The following STRN variants were observed in gnomAD, a reference collection of about 807,000 sequenced individuals.
STRN encodes the protein striatin.
A neutral mutation model predicts 96.3 loss-of-function variants in STRN; 53 were observed. That is an observed-to-expected ratio of 0.55 (90% CI 0.44 to 0.69). The LOEUF (loss-of-function observed/expected upper bound fraction) is 0.69, where lower values mean the gene tolerates loss of function less well. Ranked by LOEUF, STRN falls within the 30% of genes least tolerant of loss-of-function variation. The probability of loss-of-function intolerance (pLI) is 0.00; values close to 1 mark genes in which losing one functional copy is unlikely to be tolerated. For missense variants in STRN, 987 were observed against 963.9 expected (o/e 1.02, Z -0.32); for synonymous variants, 428 against 355.9 (o/e 1.20, Z -2.28).
chr2:36,847,152 C>T lies in STRN; in HGVS notation c.*2304G>A, dbSNP rs1022225175. ...GCCACAGCACTGGCTTTCTAAGGAA[C>T]TTTCAACAGTTCCATTTGCGCTACA... is the stretch of plus-strand genomic sequence containing the variant. On this transcript the variant is annotated 3_prime_UTR_variant, in exon 18 of 18. Coordinates refer to ENST00000263918, the MANE Select transcript of STRN (RefSeq NM_003162.4). The T allele has an allele frequency of 8.5e-5, 13 of 152,154 alleles. No homozygotes were observed. The highest frequency in any genetic ancestry group is 6.6e-4 in the Admixed American group (10 of 15,250). 9.4% of individuals were successfully genotyped at this position (152,154 alleles called of 1,614,324 possible). A position where few individuals can be genotyped will look rare whatever the true frequency, so the allele number is the denominator to read the frequency against.
At chr2:36,942,847 C>G (rs1670879920) in intron 1 of STRN, among the ~76,000 whole-genome samples, 1 of 151,920 alleles carries the variant, frequency 6.6e-6, no homozygotes, top group Non-Finnish European at 1.5e-5. Flanking sequence ...AGGCACGCAA[C>G]ACCACACCCA....
At chr2:36,961,524 T>C (rs1236574222) in intron 1 of STRN, among the ~76,000 whole-genome samples, 2 of 152,182 alleles carry the variant, frequency 1.3e-5, no homozygotes, top group African/African-American at 4.8e-5. Context: ...TAAAAATGTA[T>C]TCAGAATCCT....
intron 1 of STRN, among the ~76,000 whole-genome samples, chr2:36,944,017 G>A (rs551497879): frequency 6.6e-6 from 1 of 152,074 alleles, no homozygotes. Flanking sequence ...CTACTTGGGA[G>A]GCTGGGGCAG....
intron 7 of STRN, among the ~76,000 whole-genome samples, chr2:36,891,873 G>A (rs566974564): frequency 6.6e-6 from 1 of 152,204 alleles, no homozygotes; most frequent in East Asian, 1.9e-4. Flanking sequence ...AAGTTCAACA[G>A]AATTTTTAAA....
intron 8 of STRN, 120 bp from the exon 9 acceptor site, chr2:36,884,195 TCTA>T (rs1462528061): frequency 2.3e-6 from 2 of 857,014 alleles, no homozygotes; most frequent in Non-Finnish European, 3.1e-6. Context: ...TTAAAAATAT[TCTA>T]CTAGATTAAT....
intron 7 of STRN, among the ~76,000 whole-genome samples, chr2:36,891,044 C>A (rs1210382712): frequency 2.0e-5 from 3 of 152,160 alleles, no homozygotes; most frequent in Admixed American, 6.5e-5. Flanking sequence ...TATACTGGTT[C>A]AGCACCCCCC....
chr2:36,899,568 ATCT>A lies in STRN; in HGVS notation c.747_749del (p.Glu249del). ...TTTTCTCTCTTCCATCAACATCATC[ATCT>A]TCATCTTCATCACTGAAATCTGCAG... On this transcript the variant is annotated inframe_deletion, in exon 6 of 18. Coordinates refer to ENST00000263918, the MANE Select transcript of STRN (RefSeq NM_003162.4). 4 of 1,613,624 alleles carry A rather than the reference ATCT, an allele frequency of 2.5e-6. No individual in the cohort carries two copies. The highest frequency in any genetic ancestry group is 3.4e-6 in the Non-Finnish European group (4 of 1,179,896).
chr2:36,964,932 G>A (rs763623802), intron 1 of STRN, among the ~76,000 whole-genome samples: 5 of 152,116 alleles, frequency 3.3e-5, no homozygotes, highest in Non-Finnish European at 5.9e-5. Flanking sequence ...TAAAATACAT[G>A]ATAAAACTGA....
At chr2:36,955,533 C>T (rs185424948) in intron 1 of STRN, among the ~76,000 whole-genome samples, 1 of 152,296 alleles carries the variant, frequency 6.6e-6, no homozygotes, top group Non-Finnish European at 1.5e-5. Flanking sequence ...GCAGTTTCTC[C>T]TCTGCCTCTG....
At chr2:36,864,758 C>G (rs1668579647) in intron 12 of STRN, among the ~76,000 whole-genome samples, 1 of 152,120 alleles carries the variant, frequency 6.6e-6, no homozygotes. Flanking sequence ...GTCGCCCAGG[C>G]TGGAATGCAA....
At chr2:36,953,527 C>T (rs1322620802) in intron 1 of STRN, among the ~76,000 whole-genome samples, 1 of 151,904 alleles carries the variant, frequency 6.6e-6, no homozygotes, top group African/African-American at 2.4e-5. Context: ...CTCAGCCTCC[C>T]AAGTAGCTGG....
rs193129847 is a variant in STRN, at chr2:36,959,845, T to C, written c.234+6385A>G. On this transcript the variant is annotated intron_variant, in intron 1 of 17. Coordinates refer to ENST00000263918, the MANE Select transcript of STRN (RefSeq NM_003162.4). ...TGGGGAGCTCAAAAAATACTAATGCTAGGGGTCCTCATTCCTAAGATTCTG... is the reference window on the plus strand; with the variant it reads ...TGGGGAGCTCAAAAAATACTAATGCCAGGGGTCCTCATTCCTAAGATTCTG... Among the ~76,000 whole-genome samples the C allele has an allele frequency of 4.7e-3, 716 of 152,318 alleles. 7 individuals carry two copies. The highest frequency in any genetic ancestry group is 0.017 in the African/African-American group (695 of 41,580).
intron 10 of STRN, among the ~76,000 whole-genome samples, chr2:36,872,039 T>A (rs1668774597): frequency 6.6e-6 from 1 of 152,254 alleles, no homozygotes. Context: ...AAGGCTTTCA[T>A]GTGAAAGAGC....
At chr2:36,858,714 G>C (rs1572626725) in intron 13 of STRN, among the ~76,000 whole-genome samples, 2 of 152,178 alleles carry the variant, frequency 1.3e-5, no homozygotes, top group Non-Finnish European at 2.9e-5. Context: ...GTTAAGTCTG[G>C]AAATGTCAAT....
chr2:36,875,658 G>T (rs1668885401), intron 10 of STRN, among the ~76,000 whole-genome samples: 1 of 69,868 alleles, frequency 1.4e-5, no homozygotes, highest in Non-Finnish European at 2.6e-5. Flanking sequence ...AAATAGAAAT[G>T]ATTTTTTTTT....
In STRN at chr2:36,867,193, T is replaced by C. The variant is rs112701699; in HGVS notation, c.1547+621A>G. Among the ~76,000 whole-genome samples, 1,159 of 152,200 alleles carry C rather than the reference T, an allele frequency of 7.6e-3. 21 individuals are homozygous for C. The highest frequency in any genetic ancestry group is 0.026 in the African/African-American group (1,098 of 41,514). On this transcript the variant is annotated intron_variant, in intron 12 of 17. Coordinates refer to ENST00000263918, the MANE Select transcript of STRN (RefSeq NM_003162.4). ...TTTTGTTTCCATGTTTAGAAAAATATGAAACCCTTCGGCCAGGTGCCTGTA... is the reference window on the plus strand; with the variant it reads ...TTTTGTTTCCATGTTTAGAAAAATACGAAACCCTTCGGCCAGGTGCCTGTA...
rs977199561 is a variant in STRN, at chr2:36,954,024, T to C, written c.234+12206A>G. ...GACACAGTCTCTTTAAAATAAAAAT[T>C]AAAAATAAACTAAAAATCAAATTTT... On this transcript the variant is annotated intron_variant, in intron 1 of 17. Coordinates refer to ENST00000263918, the MANE Select transcript of STRN (RefSeq NM_003162.4). Among the ~76,000 whole-genome samples the C allele has an allele frequency of 4.6e-5, 7 of 151,708 alleles. No homozygotes were observed. The East Asian group carries it at 1.4e-3, about 30-fold the overall frequency.
At chr2:36,924,123 G>A (rs112246885) in intron 2 of STRN, among the ~76,000 whole-genome samples, 12 of 152,074 alleles carry the variant, frequency 7.9e-5, no homozygotes, top group Admixed American at 6.6e-4. Context: ...TTGGGAGGCC[G>A]AGACGGGGGG....
intron 12 of STRN, among the ~76,000 whole-genome samples, chr2:36,862,829 G>C (rs376522626): frequency 6.6e-6 from 1 of 151,748 alleles, no homozygotes; most frequent in East Asian, 1.9e-4. Context: ...CTGCCTCCCG[G>C]GTTCACGCCG....
Sources: gnomAD v4.1 joint callset for allele counts (sites outside exome capture counted in the v4.1 genomes callset) on GRCh38, gnomAD v4.1.1 for gene constraint, MANE v1.5 for transcripts, NCBI Gene and HGNC (gene_info 2026-07-23, HGNC 2026-07-21) for gene names.